VWDE: variants seen among roughly 807,000 people sequenced by gnomAD.
VWDE encodes the protein von Willebrand factor D and EGF domains.
A neutral mutation model predicts 178.4 loss-of-function variants in VWDE; 207 were observed. The observed-to-expected ratio is 1.16, with a 90% CI of 1.04 to 1.30. The LOEUF is 1.30. Among genes scored for constraint, VWDE ranks in the 50% most tolerant of loss-of-function variants. The pLI, the probability that VWDE is intolerant of heterozygous loss-of-function variation, is 0.00. For missense variants in VWDE, 2,287 were observed against 1,901.3 expected (o/e 1.20, Z -3.77); for synonymous variants, 738 against 651.4 (o/e 1.13, Z -2.02).
intron 24 of VWDE, among the ~76,000 whole-genome samples, chr7:12,339,327 C>A (rs79875346): frequency 0.019 from 2,831 of 152,212 alleles, 82 homozygotes; most frequent in African/African-American, 0.064. Context: ...AAAGATGTAA[C>A]GTTTTCATTT....
rs1264614632 is a variant in VWDE, at chr7:12,389,261, G to A, written c.341C>T (p.Ala114Val). 6 of 1,551,666 alleles carry A rather than the reference G, an allele frequency of 3.9e-6. No homozygotes were observed. Among genetic ancestry groups the A allele is most frequent in the South Asian group, 1.2e-5 (1 of 84,064 alleles). Reference protein sequence around the residue: ...PGEIKQLTACATWQFLFSTTK... With the variant: ...PGEIKQLTACVTWQFLFSTTK... ...AGTGCTGAACAAAAACTGCCATGTTGCACAAGCTGTCAATTGCTTGATCTC... is the reference window on the plus strand; with the variant it reads ...AGTGCTGAACAAAAACTGCCATGTTACACAAGCTGTCAATTGCTTGATCTC... Residue 114 changes from alanine (A) to valine (V), a missense_variant, in exon 3 of 29, where the codon GCA becomes GTA. By Grantham distance (64) the Ala-to-Val change is moderately conservative. Transcript: ENST00000275358.
chr7:12,365,576 T>C (rs1782813709), intron 13 of VWDE, among the ~76,000 whole-genome samples: 1 of 151,932 alleles, frequency 6.6e-6, no homozygotes, highest in Non-Finnish European at 1.5e-5. Context: ...TGACTGAACA[T>C]GTAATAGGGG....
intron 21 of VWDE, among the ~76,000 whole-genome samples, chr7:12,343,828 A>T (rs1781455537): frequency 6.6e-6 from 1 of 152,074 alleles, no homozygotes. Flanking sequence ...TTTTCTAGTT[A>T]TTTGGCATTT....
intron 2 of VWDE, among the ~76,000 whole-genome samples, chr7:12,392,206 C>T (rs761149139): frequency 1.3e-5 from 2 of 152,142 alleles, no homozygotes; most frequent in East Asian, 1.9e-4. Flanking sequence ...ACACTAGCTA[C>T]CTAAAAGCAT....
At chr7:12,335,646 G>C (rs899867612) in intron 27 of VWDE, among the ~76,000 whole-genome samples, 2 of 151,986 alleles carry the variant, frequency 1.3e-5, no homozygotes, top group Non-Finnish European at 2.9e-5. Context: ...TAGTAGAGAC[G>C]GGGTTTCACC....
chr7:12,351,298 A>G (rs934893074), intron 19 of VWDE, among the ~76,000 whole-genome samples: 3 of 152,184 alleles, frequency 2.0e-5, no homozygotes, highest in Non-Finnish European at 4.4e-5. Flanking sequence ...TTTATAAAAT[A>G]TAAGTTTGAA....
At chr7:12,335,575 A>C (rs112045250) in intron 27 of VWDE, among the ~76,000 whole-genome samples, 2,849 of 151,740 alleles carry the variant, frequency 0.019, 83 homozygotes, top group African/African-American at 0.065. Context: ...CCTGCCTCAG[A>C]CTCCTGAGTA....
chr7:12,340,279 A>T lies in VWDE; in HGVS notation c.4366+43T>A, dbSNP rs566865745. On this transcript the variant is annotated intron_variant, in intron 24 of 28. Coordinates refer to ENST00000275358, the MANE Select transcript of VWDE (RefSeq NM_001135924.3). ...TTACTCAGAGCTCTGTTGATATCTA[A>T]CTTTCCATTTGCCCTTTTTACATAC... 1.9e-5 allele frequency: 27 copies of T among 1,438,220 alleles called. No homozygotes were observed. In the African/African-American group the frequency reaches 3.5e-4, roughly 19 times the overall value. 89.1% of individuals were successfully genotyped at this position (1,438,220 alleles called of 1,614,324 possible). A position where few individuals can be genotyped will look rare whatever the true frequency, so the allele number is the denominator to read the frequency against.
intron 19 of VWDE, among the ~76,000 whole-genome samples, chr7:12,349,095 A>AG (rs1315112656): frequency 6.6e-6 from 1 of 152,116 alleles, no homozygotes; most frequent in African/African-American, 2.4e-5. Context: ...GGGAGAGGGG[A>AG]GGGATAGCAT....
At chr7:12,391,378 C>CA (rs1461562434) in intron 2 of VWDE, among the ~76,000 whole-genome samples, 2 of 151,924 alleles carry the variant, frequency 1.3e-5, no homozygotes, top group Admixed American at 6.6e-5. Flanking sequence ...AGCCTTAGTA[C>CA]AAAAAAGGAA....
At chr7:12,395,504 T>C (rs571330288) in intron 1 of VWDE, among the ~76,000 whole-genome samples, 2 of 152,244 alleles carry the variant, frequency 1.3e-5, no homozygotes, top group South Asian at 4.1e-4. Context: ...GCTTTGATAA[T>C]TGTTTCCTAA....
intron 18 of VWDE, among the ~76,000 whole-genome samples, chr7:12,352,879 C>T (rs12699364): frequency 0.33 from 50,865 of 151,998 alleles, 10,145 homozygotes; most frequent in South Asian, 0.46. Context: ...TTGATGCCCA[C>T]CAATTTTTTT....
intron 19 of VWDE, among the ~76,000 whole-genome samples, chr7:12,347,316 A>G (rs933713813): frequency 1.2e-4 from 19 of 152,156 alleles, no homozygotes; most frequent in Admixed American, 2.6e-4. Flanking sequence ...TACAAAAATT[A>G]CCATTAAAGA....
chr7:12,380,488 T>G lies in VWDE; in HGVS notation c.787A>C (p.Arg263=). 1 of 1,550,538 alleles carries G rather than the reference T, an allele frequency of 6.4e-7. No homozygotes were observed. The highest frequency in any genetic ancestry group is 8.7e-7 in the Non-Finnish European group (1 of 1,146,490). ...LDGINLRLGD[R]IFCSASVFFL... is the part of the protein sequence containing the mutation. ...AATGCAACTGTTTTTTAACATACCC[T>G]GTCTCCAAGTCTGAGATTTATGCCA... is the stretch of plus-strand genomic sequence containing the variant. Residue 263 remains arginine, a splice_region_variant and synonymous_variant, in exon 5 of 29, where the codon AGG becomes CGG. Coordinates refer to ENST00000275358, the MANE Select transcript of VWDE (RefSeq NM_001135924.3).
intron 1 of VWDE, among the ~76,000 whole-genome samples, chr7:12,395,480 C>G (rs1784578663): frequency 6.6e-6 from 1 of 152,036 alleles, no homozygotes; most frequent in Admixed American, 6.6e-5. Context: ...TCTTACATTT[C>G]TTCTGGTTTA....
At chr7:12,349,804 C>A (rs867846164) in intron 19 of VWDE, among the ~76,000 whole-genome samples, 3 of 151,832 alleles carry the variant, frequency 2.0e-5, no homozygotes, top group African/African-American at 7.3e-5. Flanking sequence ...TGGAAAGATA[C>A]AACTAAACAA....
chr7:12,393,651 T>C lies in VWDE; in HGVS notation c.186A>G (p.Gly62=). Residue 62 remains glycine, a synonymous_variant, in exon 2 of 29, where the codon GGA becomes GGG. Coordinates refer to ENST00000275358, the MANE Select transcript of VWDE (RefSeq NM_001135924.3). ...DLICDHSLSP[G]WYRFLILDRP... ...TGTCAAGGATGAGAAATCTATACCATCCAGGGGAGAGGGAATGGTCACATA... is the reference window on the plus strand; with the variant it reads ...TGTCAAGGATGAGAAATCTATACCACCCAGGGGAGAGGGAATGGTCACATA... 6.4e-7 allele frequency: 1 copy of C among 1,551,166 alleles called. No individual in the cohort carries two copies. Among genetic ancestry groups the C allele is most frequent in the South Asian group, 1.2e-5 (1 of 84,026 alleles).
chr7:12,337,181 T>C lies in VWDE; in HGVS notation c.4458A>G (p.Gln1486=), dbSNP rs896966953. The C allele has an allele frequency of 2.9e-5, 45 of 1,551,718 alleles. No individual in the cohort carries two copies. Among genetic ancestry groups the C allele is most frequent in the Non-Finnish European group, 3.7e-5 (43 of 1,146,996 alleles). ...CREGYTGRRF[Q]KSICDPTCMN... ...ATACATTTAGTGATGTCTTACTTTT[T>C]TGGAATCTCCTACCAGTGTATCCTT... The change falls in exon 25 of 29, where the codon CAA becomes CAG. Residue 1486 remains glutamine, a synonymous_variant. Coordinates refer to ENST00000275358, the MANE Select transcript of VWDE (RefSeq NM_001135924.3).
chr7:12,349,964 A>G (rs1330132761), intron 19 of VWDE, among the ~76,000 whole-genome samples: 1 of 152,114 alleles, frequency 6.6e-6, no homozygotes, highest in Admixed American at 6.5e-5. Context: ...TTGACTCAAG[A>G]GGAGGCACAA....
Sources: allele counts gnomAD v4.1 joint callset (sites outside exome capture counted in the v4.1 genomes callset), GRCh38; gene constraint gnomAD v4.1.1; transcripts MANE v1.5; gene names NCBI Gene and HGNC (gene_info 2026-07-23, HGNC 2026-07-21).